The following MFHAS1 variants were observed in gnomAD, a reference collection of about 807,000 sequenced individuals.
MFHAS1 encodes malignant fibrous histiocytoma-amplified sequence 1.
In MFHAS1, 50 loss-of-function variants were observed where a neutral mutation model predicts 70.4. That is an observed-to-expected ratio of 0.71 (90% CI 0.57 to 0.90). MFHAS1 has a LOEUF of 0.90. Among genes scored for constraint, MFHAS1 ranks in the 40% least tolerant of loss-of-function variants. The pLI is 0.00. For missense variants in MFHAS1, 1,795 were observed against 1,347.6 expected (o/e 1.33, Z -5.20); for synonymous variants, 952 against 620.0 (o/e 1.54, Z -7.96).
chr8:8,797,524 G>C (rs200300767), intron 1 of MFHAS1, 33 bp from the exon 2 acceptor site: 3 of 1,597,586 alleles, frequency 1.9e-6, no homozygotes, highest in Non-Finnish European at 2.6e-6. Context: ...GTGTTAGGGA[G>C]ATGTGCACTA....
intron 1 of MFHAS1, among the ~76,000 whole-genome samples, chr8:8,851,156 C>T (rs1264341028): frequency 6.6e-6 from 1 of 152,194 alleles, no homozygotes. Flanking sequence ...TTTTTCCTAA[C>T]CCTTGGTGGT....
intron 1 of MFHAS1, among the ~76,000 whole-genome samples, chr8:8,863,323 G>T (rs1422501926): frequency 6.6e-6 from 1 of 152,114 alleles, no homozygotes; most frequent in Admixed American, 6.5e-5. Context: ...ACCCCCAATG[G>T]ATATATCACA....
chr8:8,865,446 T>C (rs970266415), intron 1 of MFHAS1, among the ~76,000 whole-genome samples: 1 of 151,764 alleles, frequency 6.6e-6, no homozygotes, highest in African/African-American at 2.4e-5. Flanking sequence ...AGACACAAGG[T>C]ACAGAGGATG....
intron 1 of MFHAS1, among the ~76,000 whole-genome samples, chr8:8,855,973 A>G (rs1015284109): frequency 6.6e-6 from 1 of 152,262 alleles, no homozygotes; most frequent in African/African-American, 2.4e-5. Context: ...TCAGAAACAC[A>G]GATGAGAAAA....
intron 1 of MFHAS1, among the ~76,000 whole-genome samples, chr8:8,856,746 C>A (rs972984127): frequency 6.6e-6 from 1 of 152,012 alleles, no homozygotes; most frequent in Admixed American, 6.6e-5. Flanking sequence ...TCAGCAGACC[C>A]CCATGATGTC....
chr8:8,806,603 A>G (rs1176890144), intron 1 of MFHAS1, among the ~76,000 whole-genome samples: 3 of 152,184 alleles, frequency 2.0e-5, no homozygotes, highest in Admixed American at 6.5e-5. Context: ...ACAAATTGCA[A>G]TAACACAAGA....
At chr8:8,805,298 A>G (rs1000927235) in intron 1 of MFHAS1, among the ~76,000 whole-genome samples, 2 of 152,238 alleles carry the variant, frequency 1.3e-5, no homozygotes, top group African/African-American at 4.8e-5. Flanking sequence ...CACCCCCAGA[A>G]CTTAACTACA....
At chr8:8,799,774 A>G (rs1474964048) in intron 1 of MFHAS1, among the ~76,000 whole-genome samples, 4 of 152,218 alleles carry the variant, frequency 2.6e-5, no homozygotes, top group African/African-American at 9.6e-5. Context: ...AAAGAAAACA[A>G]AAACACCGTA....
intron 1 of MFHAS1, among the ~76,000 whole-genome samples, chr8:8,806,886 G>A (rs1461346384): frequency 2.6e-5 from 4 of 151,978 alleles, no homozygotes; most frequent in East Asian, 1.9e-4. Context: ...GCTTGAACCC[G>A]GGAGGCAGAG....
At chr8:8,789,557 G>T (rs73201840) in intron 2 of MFHAS1, among the ~76,000 whole-genome samples, 43,764 of 151,896 alleles carry the variant, frequency 0.29, 6,879 homozygotes, top group African/African-American at 0.39. Flanking sequence ...AAATTATGAC[G>T]CAAGGTACCG....
intron 1 of MFHAS1, among the ~76,000 whole-genome samples, chr8:8,836,424 G>A (rs945851099): frequency 6.6e-6 from 1 of 152,150 alleles, no homozygotes; most frequent in African/African-American, 2.4e-5. Context: ...TGCTGCCCAG[G>A]CTGGAGTGCA....
intron 1 of MFHAS1, among the ~76,000 whole-genome samples, chr8:8,839,971 T>C (rs997526322): frequency 2.0e-5 from 3 of 152,154 alleles, no homozygotes; most frequent in Non-Finnish European, 2.9e-5. Context: ...ACAAACCCAC[T>C]AGTATTTGAA....
At chr8:8,809,970 C>T (rs1037850738) in intron 1 of MFHAS1, among the ~76,000 whole-genome samples, 1 of 152,216 alleles carries the variant, frequency 6.6e-6, no homozygotes, top group Non-Finnish European at 1.5e-5. Flanking sequence ...GAAAATAGGA[C>T]GAACCCTTAT....
At chr8:8,836,277 T>C (rs1196793857) in intron 1 of MFHAS1, among the ~76,000 whole-genome samples, 3 of 152,222 alleles carry the variant, frequency 2.0e-5, no homozygotes, top group African/African-American at 7.2e-5. Flanking sequence ...AGCCTCAGGT[T>C]CTGGGTGGCG....
rs945485422 is a variant in MFHAS1, at chr8:8,826,278, C to T, written c.2999-28787G>A. On this transcript the variant is annotated intron_variant, in intron 1 of 2. Transcript: ENST00000276282. Reference sequence around the variant, plus strand: ...TGTGTGTGTGTGTGTGTGTGTGTGTCGCACACTGCTGCCTACCCAATATCC... The same window carrying T: ...TGTGTGTGTGTGTGTGTGTGTGTGTTGCACACTGCTGCCTACCCAATATCC... Among the ~76,000 whole-genome samples, 5 of 87,806 alleles carry T rather than the reference C, an allele frequency of 5.7e-5. No homozygotes were observed. In the East Asian group the frequency reaches 2.2e-3, roughly 38 times the overall value. The allele number at this position is 87,806 out of a possible 152,430, so 57.6% of individuals were successfully genotyped here. A position where few individuals can be genotyped will look rare whatever the true frequency, so the allele number is the denominator to read the frequency against.
chr8:8,833,918 G>T lies in MFHAS1; in HGVS notation c.2999-36427C>A, dbSNP rs575279777. On this transcript the variant is annotated intron_variant, in intron 1 of 2. Transcript: ENST00000276282. ...AGGTGGGCGGATCACCTGAGGACAG[G>T]AGTTCAACACCTGCCTGGCCAACAT... 7.2e-5 allele frequency among the ~76,000 whole-genome samples: 11 copies of T among 152,202 alleles called. No homozygotes were observed. In the South Asian group the frequency reaches 2.3e-3, roughly 32 times the overall value.
At chr8:8,876,853 G>A (rs1029622456) in intron 1 of MFHAS1, among the ~76,000 whole-genome samples, 2 of 151,944 alleles carry the variant, frequency 1.3e-5, no homozygotes, top group East Asian at 1.9e-4. Flanking sequence ...AGAATCACTT[G>A]AACCCAGGAG....
chr8:8,831,221 T>C (rs1286848029), intron 1 of MFHAS1, among the ~76,000 whole-genome samples: 3 of 151,858 alleles, frequency 2.0e-5, no homozygotes, highest in African/African-American at 7.3e-5. Flanking sequence ...CATTTAACCT[T>C]AAAACCTCCT....
At chr8:8,824,462 G>C (rs778235124) in intron 1 of MFHAS1, among the ~76,000 whole-genome samples, 1 of 151,708 alleles carries the variant, frequency 6.6e-6, no homozygotes, top group Non-Finnish European at 1.5e-5. Context: ...TTCTGGCTCA[G>C]ATGCAGTGCT....
Sources: allele counts gnomAD v4.1 joint callset (sites outside exome capture counted in the v4.1 genomes callset), GRCh38; gene constraint gnomAD v4.1.1; transcripts MANE v1.5; gene names NCBI Gene and HGNC (gene_info 2026-07-23, HGNC 2026-07-21).